COL6A5: variants seen among roughly 807,000 people sequenced by gnomAD.
The protein encoded by COL6A5 is collagen type VI alpha 5 chain.
COL6A5 carries 48 observed loss-of-function variants against 65.6 expected under a neutral mutation model. The observed-to-expected ratio is 0.73, with a 90% CI of 0.58 to 0.93. The LOEUF (loss-of-function observed/expected upper bound fraction) is 0.93, where lower values mean the gene tolerates loss of function less well. COL6A5 is among the 40% of genes least tolerant of loss of function. COL6A5 has a pLI of 0.00. For synonymous variants in COL6A5, 291 were observed against 322.8 expected (o/e 0.90, Z 1.05); for missense variants, 914 against 928.3 (o/e 0.98, Z 0.20).
At chr3:130,463,427 G>A (rs16828332) in intron 5 of COL6A5, among the ~76,000 whole-genome samples, 10,582 of 152,108 alleles carry the variant, frequency 0.07, 483 homozygotes, top group African/African-American at 0.12. Context: ...TCCCAGTCCA[G>A]ATGGCCCAAG....
chr3:130,389,714 C>T (rs1411146583), intron 6 of COL6A5, among the ~76,000 whole-genome samples: 2 of 151,986 alleles, frequency 1.3e-5, no homozygotes, highest in Non-Finnish European at 2.9e-5. Context: ...TTTCTGATTA[C>T]TTGGGGTCAT....
At chr3:130,387,476 G>A (rs1936233912) in intron 5 of COL6A5, among the ~76,000 whole-genome samples, 1 of 152,066 alleles carries the variant, frequency 6.6e-6, no homozygotes, top group South Asian at 2.1e-4. Flanking sequence ...CTTCACTACA[G>A]TGGTCAAGGC....
chr3:130,389,166 G>A, intron 6 of COL6A5, 32 bp downstream of exon 6: 4 of 1,328,562 alleles, frequency 3.0e-6, no homozygotes, highest in Non-Finnish European at 2.9e-6. Flanking sequence ...CAGGACTAAA[G>A]GATGTGAGCT....
Position 130,415,711 on chromosome 3 carries a change from A to G in COL6A5, c.4824+4A>G. On this transcript the variant is annotated splice_donor_region_variant and intron_variant and NMD_transcript_variant, in intron 23 of 41. Transcript: ENST00000312481. ...CCAGGGGCAGAAAGGACCTCAGGTG[A>G]GTGACTCGGAGACATTAGGCTCAAT... 6.5e-7 allele frequency: 1 copy of G among 1,545,366 alleles called. No individual in the cohort carries two copies. The highest frequency in any genetic ancestry group is 8.7e-7 in the Non-Finnish European group (1 of 1,143,010).
At position 130,415,727 on chromosome 3, in the gene COL6A5, T is replaced by G; in HGVS notation, c.4824+20T>G. 1 of 1,529,352 alleles carries G rather than the reference T, an allele frequency of 6.5e-7. No homozygotes were observed. The highest frequency in any genetic ancestry group is 8.8e-7 in the Non-Finnish European group (1 of 1,134,272). 94.7% of individuals were successfully genotyped at this position (1,529,352 alleles called of 1,614,324 possible). On this transcript the variant is annotated intron_variant and NMD_transcript_variant, in intron 23 of 41. Transcript: ENST00000312481. Reference sequence around the variant, plus strand: ...CCTCAGGTGAGTGACTCGGAGACATTAGGCTCAATGACTCTCAACAGTTAT... The same window carrying G: ...CCTCAGGTGAGTGACTCGGAGACATGAGGCTCAATGACTCTCAACAGTTAT...
intron 1 of COL6A5, among the ~76,000 whole-genome samples, chr3:130,435,364 C>G (rs995190427): frequency 1.1e-4 from 17 of 152,134 alleles, no homozygotes; most frequent in Admixed American, 9.8e-4. Context: ...AGTTTGAAGT[C>G]AGGTATCATG....
exon 7 of COL6A5, chr3:130,391,346 C>G: frequency 6.4e-7 from 1 of 1,551,706 alleles, no homozygotes; most frequent in Non-Finnish European, 8.7e-7. Context: ...CTCTGACCAA[C>G]CTAACATCCT....
At chr3:130,389,747 G>A (rs1373587282) in intron 6 of COL6A5, among the ~76,000 whole-genome samples, 4 of 151,854 alleles carry the variant, frequency 2.6e-5, no homozygotes, top group Non-Finnish European at 5.9e-5. Flanking sequence ...ACAAATTGTA[G>A]TGCTTTTAAA....
At chr3:130,443,733 A>T (rs1051909373) in intron 4 of COL6A5, among the ~76,000 whole-genome samples, 167 bp downstream of exon 36, 14 of 152,300 alleles carry the variant, frequency 9.2e-5, no homozygotes, top group Admixed American at 3.3e-4. Context: ...TATGATTTCC[A>T]ATTTGTTTTT....
intron 1 of COL6A5, among the ~76,000 whole-genome samples, chr3:130,367,525 A>G (rs932678436): frequency 6.6e-6 from 1 of 152,190 alleles, no homozygotes; most frequent in Non-Finnish European, 1.5e-5. Flanking sequence ...TGTATCAAAC[A>G]TACTTGGTCT....
rs369182833 is a variant in COL6A5 at position 130,400,733 on chromosome 3, A to T, written c.3992-298A>T. ...GAATTGCATGAAAATTGGTGGTAAG[A>T]TGTGGAACACAGTTTTCTATTAGTG... On this transcript the variant is annotated intron_variant and NMD_transcript_variant, in intron 10 of 41. Coordinates refer to the COL6A5 transcript ENST00000312481. Among the ~76,000 whole-genome samples the T allele has an allele frequency of 2.6e-5, 4 of 152,354 alleles. 1 individual carries two copies. In the East Asian group the frequency reaches 5.8e-4, roughly 22 times the overall value.
intron 1 of COL6A5, among the ~76,000 whole-genome samples, chr3:130,435,423 G>A (rs1336947443): frequency 6.6e-6 from 1 of 151,994 alleles, no homozygotes; most frequent in African/African-American, 2.4e-5. Flanking sequence ...GGCTATATGG[G>A]GTCTTCTTTG....
intron 4 of COL6A5, among the ~76,000 whole-genome samples, chr3:130,446,918 TTAGAG>T (rs1442148586): frequency 2.0e-5 from 3 of 152,134 alleles, no homozygotes; most frequent in South Asian, 2.1e-4. Flanking sequence ...TTTAAAAAAA[TTAGAG>T]TAAACAATGC....
chr3:130,461,223 A>C (rs1186716835), intron 5 of COL6A5, among the ~76,000 whole-genome samples: 1 of 151,964 alleles, frequency 6.6e-6, no homozygotes, highest in East Asian at 1.9e-4. Context: ...TGACTACTAC[A>C]ATTCAGGAAG....
intron 2 of COL6A5, among the ~76,000 whole-genome samples, chr3:130,374,906 G>C (rs543910014): frequency 1.3e-5 from 2 of 152,140 alleles, no homozygotes; most frequent in Non-Finnish European, 2.9e-5. Context: ...GAGCATGCAT[G>C]AAAAGTAAGT....
chr3:130,458,350 T>C (rs76251023), intron 5 of COL6A5, among the ~76,000 whole-genome samples: 2 of 152,230 alleles, frequency 1.3e-5, no homozygotes, highest in Non-Finnish European at 2.9e-5. Context: ...ATAACCATTG[T>C]AGGTAATATT....
At chr3:130,440,558 C>A in exon 3 of COL6A5, 2 of 1,613,566 alleles carry the variant, frequency 1.2e-6, no homozygotes, top group South Asian at 1.1e-5. Flanking sequence ...TCCAGAAACA[C>A]CCTATCTAAG....
chr3:130,434,610 C>G (rs185537163), intron 1 of COL6A5, among the ~76,000 whole-genome samples: 45 of 152,308 alleles, frequency 3.0e-4, no homozygotes, highest in African/African-American at 9.6e-4. Flanking sequence ...TGTTCCCTGA[C>G]TTTTTAATAA....
chr3:130,358,892 G>A (rs2107618902), intron 1 of COL6A5, among the ~76,000 whole-genome samples: 1 of 152,070 alleles, frequency 6.6e-6, no homozygotes, highest in East Asian at 1.9e-4. Flanking sequence ...AACATTGTTT[G>A]GAATTGTGAA....
Sources: allele counts gnomAD v4.1 joint callset (sites outside exome capture counted in the v4.1 genomes callset), GRCh38; gene constraint gnomAD v4.1.1; transcripts MANE v1.5; gene names NCBI Gene and HGNC (gene_info 2026-07-23, HGNC 2026-07-21).